The following CALCR variants were observed in gnomAD, a reference collection of about 807,000 sequenced individuals.
CALCR encodes calcitonin receptor.
A neutral mutation model predicts 59.5 loss-of-function variants in CALCR; 47 were observed. The ratio of observed to expected loss-of-function variants is 0.79; its 90% CI spans 0.63 to 1.01. The LOEUF (loss-of-function observed/expected upper bound fraction) is 1.01, where lower values mean the gene tolerates loss of function less well. Among genes scored for constraint, CALCR ranks in the 50% least tolerant of loss-of-function variants. The pLI is 0.00. For missense variants in CALCR, 566 were observed against 597.1 expected (o/e 0.95, Z 0.54); for synonymous variants, 213 against 211.3 (o/e 1.01, Z -0.07).
At chr7:93,489,750 A>G (rs899685913) in intron 2 of CALCR, among the ~76,000 whole-genome samples, 1 of 151,966 alleles carries the variant, frequency 6.6e-6, no homozygotes, top group Non-Finnish European at 1.5e-5. Flanking sequence ...CAAGTTCTGA[A>G]ATTGAGGCAG....
chr7:93,438,376 G>T (rs568047153), intron 9 of CALCR, 106 bp from the exon 10 acceptor site: 2 of 821,098 alleles, frequency 2.4e-6, no homozygotes, highest in East Asian at 5.1e-5. Context: ...GGCAAATTGA[G>T]TGCATCTGTC....
intron 6 of CALCR, among the ~76,000 whole-genome samples, chr7:93,471,691 G>A (rs1198618418): frequency 6.6e-6 from 1 of 151,794 alleles, no homozygotes; most frequent in East Asian, 1.9e-4. Flanking sequence ...TCTGTAGGGT[G>A]AGGAGGCTGG....
chr7:93,445,204 C>T (rs886944484), intron 8 of CALCR, among the ~76,000 whole-genome samples: 3 of 152,020 alleles, frequency 2.0e-5, no homozygotes, highest in Non-Finnish European at 2.9e-5. Flanking sequence ...GGCTTCCCTC[C>T]CCGCCATCTG....
Position 93,477,661 on chromosome 7 carries a change from A to T in CALCR, c.213T>A (p.Tyr71Ter). The T allele has an allele frequency of 6.2e-7, 1 of 1,603,328 alleles. No homozygotes were observed. Among genetic ancestry groups the T allele is most frequent in the Non-Finnish European group, 8.5e-7 (1 of 1,171,202 alleles). Residue 71 changes from tyrosine (Y) to a stop codon, truncating the protein, a stop_gained, in exon 5 of 14, where the codon TAT (tyrosine) becomes TAA (stop). Transcript: ENST00000426151. LOFTEE classifies it high-confidence loss of function. ...QLPAYQGEGP[Y>*]CNRTWDGWLC... Reference sequence around the variant, plus strand: ...GCCATCCATCCCAGGTGCGATTGCAATATGGACCTGGCCATTTAGAAGGAA... The same window carrying T: ...GCCATCCATCCCAGGTGCGATTGCATTATGGACCTGGCCATTTAGAAGGAA...
chr7:93,535,238 G>A (rs1472352711), intron 2 of CALCR, among the ~76,000 whole-genome samples: 1 of 151,762 alleles, frequency 6.6e-6, no homozygotes, highest in East Asian at 1.9e-4. Flanking sequence ...AGTACAATCA[G>A]CATTTCCTAT....
intron 8 of CALCR, among the ~76,000 whole-genome samples, chr7:93,453,221 G>A (rs1800144454): frequency 6.6e-6 from 1 of 152,018 alleles, no homozygotes; most frequent in Non-Finnish European, 1.5e-5. Flanking sequence ...GCTGATTTTT[G>A]AGAGTTGTGT....
chr7:93,432,947 A>G (rs1584532336), intron 13 of CALCR, among the ~76,000 whole-genome samples: 2 of 152,202 alleles, frequency 1.3e-5, no homozygotes, highest in East Asian at 3.8e-4. Context: ...ACAGCGGGCA[A>G]TGGAAGGATG....
intron 7 of CALCR, among the ~76,000 whole-genome samples, chr7:93,464,517 T>G (rs887193039): frequency 1.3e-5 from 2 of 151,802 alleles, no homozygotes; most frequent in Non-Finnish European, 2.9e-5. Flanking sequence ...AGAGAGAAAA[T>G]GAAGTAAAAT....
intron 2 of CALCR, among the ~76,000 whole-genome samples, chr7:93,547,514 A>G (rs921723881): frequency 6.6e-6 from 1 of 152,166 alleles, no homozygotes; most frequent in African/African-American, 2.4e-5. Flanking sequence ...CCACATTTGT[A>G]CTAATACTCA....
chr7:93,526,659 T>C (rs1801883802), intron 2 of CALCR, among the ~76,000 whole-genome samples: 1 of 152,110 alleles, frequency 6.6e-6, no homozygotes, highest in South Asian at 2.1e-4. Flanking sequence ...TTTTATTCCA[T>C]TAAGGCAGGT....
intron 2 of CALCR, among the ~76,000 whole-genome samples, chr7:93,549,057 T>C (rs1426367720): frequency 2.0e-5 from 3 of 152,136 alleles, no homozygotes; most frequent in Non-Finnish European, 4.4e-5. Context: ...AATGGAAATA[T>C]AGTTAAAGCA....
chr7:93,573,460 G>A (rs1790050207), intron 2 of CALCR, among the ~76,000 whole-genome samples: 1 of 152,180 alleles, frequency 6.6e-6, no homozygotes, highest in Admixed American at 6.5e-5. Context: ...AATAGTCAGG[G>A]TCTCCTTAAG....
At chr7:93,475,147 T>C (rs1287123101) in intron 5 of CALCR, among the ~76,000 whole-genome samples, 2 of 151,814 alleles carry the variant, frequency 1.3e-5, no homozygotes, top group East Asian at 1.9e-4. Flanking sequence ...ACAGGTCTTA[T>C]TGAACTAAAT....
intron 2 of CALCR, among the ~76,000 whole-genome samples, chr7:93,553,482 C>CA (rs558267649): frequency 2.5e-4 from 37 of 148,258 alleles, no homozygotes; most frequent in African/African-American, 9.1e-4. Context: ...AAAACTTACC[C>CA]TTTTTTTTTT....
chr7:93,455,863 A>G (rs939457977), intron 8 of CALCR, among the ~76,000 whole-genome samples: 1 of 152,170 alleles, frequency 6.6e-6, no homozygotes, highest in Non-Finnish European at 1.5e-5. Context: ...GGTGAAATAC[A>G]ATACAAATTT....
chr7:93,468,641 C>T, intron 7 of CALCR, 74 bp downstream of exon 7: 1 of 1,044,936 alleles, frequency 9.6e-7, no homozygotes, highest in Non-Finnish European at 1.5e-6. Flanking sequence ...CCCACCTCCA[C>T]TCTTGCAGAA....
At chr7:93,449,756 A>G (rs1800073635) in intron 8 of CALCR, among the ~76,000 whole-genome samples, 1 of 152,084 alleles carries the variant, frequency 6.6e-6, no homozygotes, top group South Asian at 2.1e-4. Flanking sequence ...AAATGTCTAC[A>G]AAGATCAGTA....
At chr7:93,445,205 C>T (rs1799985384) in intron 8 of CALCR, among the ~76,000 whole-genome samples, 1 of 152,062 alleles carries the variant, frequency 6.6e-6, no homozygotes, top group Non-Finnish European at 1.5e-5. Context: ...GCTTCCCTCC[C>T]CGCCATCTGA....
intron 6 of CALCR, among the ~76,000 whole-genome samples, chr7:93,469,830 A>G (rs1442863189): frequency 1.3e-5 from 2 of 151,158 alleles, no homozygotes; most frequent in Non-Finnish European, 3.0e-5. Flanking sequence ...TAGTGTAGAT[A>G]GGATGAATAC....
Sources: allele counts gnomAD v4.1 joint callset (sites outside exome capture counted in the v4.1 genomes callset), GRCh38; gene constraint gnomAD v4.1.1; transcripts MANE v1.5; gene names NCBI Gene and HGNC (gene_info 2026-07-23, HGNC 2026-07-21).